CDH13: variants seen among roughly 807,000 people sequenced by gnomAD.
CDH13 encodes cadherin 13.
A neutral mutation model predicts 63.8 loss-of-function variants in CDH13; 24 were observed. The observed-to-expected ratio is 0.38, with a 90% CI of 0.27 to 0.53. CDH13 has a LOEUF of 0.53. Among genes scored for constraint, CDH13 ranks in the 20% least tolerant of loss-of-function variants. CDH13 has a pLI of 0.85. For missense variants in CDH13, 1,049 were observed against 903.1 expected, an observed-to-expected ratio of 1.16 and a Z score of -2.07; for synonymous variants, 503 against 355.3, an observed-to-expected ratio of 1.42 and a Z score of -4.67.
intron 1 of CDH13, among the ~76,000 whole-genome samples, chr16:82,802,104 T>C (rs2074004643): frequency 8.2e-6 from 1 of 121,822 alleles, no homozygotes; most frequent in Non-Finnish European, 1.7e-5. Flanking sequence ...GTTATTTATC[T>C]ATCATCTCCC....
chr16:83,024,188 C>T (rs1399595295), intron 2 of CDH13, among the ~76,000 whole-genome samples: 2 of 152,150 alleles, frequency 1.3e-5, no homozygotes, highest in Non-Finnish European at 2.9e-5. Flanking sequence ...ACAAACGTCA[C>T]TGTGGAGGTT....
intron 4 of CDH13, among the ~76,000 whole-genome samples, chr16:83,171,125 T>G (rs1274591220): frequency 2.0e-5 from 3 of 152,076 alleles, no homozygotes; most frequent in African/African-American, 7.2e-5. Flanking sequence ...GGAAGCATGG[T>G]GGCTTCTGCC....
rs555973091 is a variant in CDH13 at position 83,688,714 on chromosome 16, T to C, written c.1538+10253T>C. On this transcript the variant is annotated intron_variant, in intron 10 of 13. Transcript: ENST00000567109. ...TTTACAGTGGTGTCTTTGTAATTTT[T>C]AATTAAAGCGGTGTTGTTCCATTGT... is the stretch of plus-strand genomic sequence containing the variant. 2.6e-3 allele frequency among the ~76,000 whole-genome samples: 395 copies of C among 152,340 alleles called. 1 individual carries two copies. The highest frequency in any genetic ancestry group is 0.017 in the South Asian group (82 of 4,822).
chr16:82,684,567 G>T (rs1914872946), intron 1 of CDH13, among the ~76,000 whole-genome samples: 1 of 152,002 alleles, frequency 6.6e-6, no homozygotes, highest in South Asian at 2.1e-4. Flanking sequence ...CATGAAGTCA[G>T]GATCTGGGGA....
chr16:82,966,784 T>C (rs1345813094), intron 2 of CDH13, among the ~76,000 whole-genome samples: 1 of 152,242 alleles, frequency 6.6e-6, no homozygotes, highest in African/African-American at 2.4e-5. Flanking sequence ...GCAGACTCGA[T>C]GCCCCTTTTC....
chr16:83,303,336 C>A (rs1313415489), intron 5 of CDH13, among the ~76,000 whole-genome samples: 1 of 152,182 alleles, frequency 6.6e-6, no homozygotes. Flanking sequence ...CCAGTAGGTC[C>A]AGATGCTTAT....
intron 6 of CDH13, among the ~76,000 whole-genome samples, chr16:83,392,645 C>T (rs1039691807): frequency 1.1e-4 from 17 of 152,194 alleles, no homozygotes; most frequent in African/African-American, 2.2e-4. Flanking sequence ...TCTGGGACCA[C>T]GTCTTCCCAA....
intron 6 of CDH13, among the ~76,000 whole-genome samples, chr16:83,464,532 G>T (rs776830328): frequency 1.3e-5 from 2 of 151,512 alleles, no homozygotes; most frequent in African/African-American, 2.4e-5. Flanking sequence ...AATAAATTTT[G>T]TAGTTTTAGT....
At chr16:83,027,061 C>T (rs1020154235) in intron 2 of CDH13, among the ~76,000 whole-genome samples, 2 of 151,746 alleles carry the variant, frequency 1.3e-5, no homozygotes, top group Non-Finnish European at 2.9e-5. Flanking sequence ...TCCCAATTCA[C>T]AGCCTTGTCG....
intron 1 of CDH13, among the ~76,000 whole-genome samples, chr16:82,676,714 A>T (rs1205637523): frequency 6.6e-6 from 1 of 152,128 alleles, no homozygotes; most frequent in Non-Finnish European, 1.5e-5. Flanking sequence ...GACATGAGCT[A>T]TAAGACCTTG....
chr16:83,494,007 G>C (rs911516015), intron 7 of CDH13, among the ~76,000 whole-genome samples: 2 of 152,178 alleles, frequency 1.3e-5, no homozygotes, highest in African/African-American at 2.4e-5. Context: ...TCTTTCTTCT[G>C]TTCTTGGGCT....
intron 1 of CDH13, among the ~76,000 whole-genome samples, chr16:82,660,792 C>T (rs74028510): frequency 0.12 from 18,319 of 152,120 alleles, 1,488 homozygotes; most frequent in East Asian, 0.26. Flanking sequence ...TTTCCCCCCT[C>T]GTTTTATTTA....
Position 82,627,870 on chromosome 16 carries a change from G to C in CDH13, c.45+733G>C, listed in dbSNP as rs112011440. Among the ~76,000 whole-genome samples, 337 of 152,376 alleles carry C rather than the reference G, an allele frequency of 2.2e-3. 1 individual carries two copies. The highest frequency in any genetic ancestry group is 7.6e-3 in the African/African-American group (317 of 41,598). On this transcript the variant is annotated intron_variant, in intron 1 of 13. Transcript: ENST00000567109. ...GTCCAGCCAGCTGGAGCTCCGGCCA[G>C]ATCCCGGGCTGCCGCCTCTGCTGCC...
At chr16:82,640,659 G>C (rs1909285109) in intron 1 of CDH13, among the ~76,000 whole-genome samples, 1 of 152,158 alleles carries the variant, frequency 6.6e-6, no homozygotes, top group Non-Finnish European at 1.5e-5. Flanking sequence ...ACTTGTTTAA[G>C]ACAGGGATAG....
At chr16:83,674,340 A>ATATCTTCCCATGATGCTGCATCC (rs1914772331) in intron 9 of CDH13, among the ~76,000 whole-genome samples, 1 of 152,198 alleles carries the variant, frequency 6.6e-6, no homozygotes, top group African/African-American at 2.4e-5. Flanking sequence ...CCCAGGCATC[A>ATATCTTCCCATGATGCTGCATCC]TATCTTCCCA....
intron 4 of CDH13, among the ~76,000 whole-genome samples, chr16:83,208,319 A>AGAC (rs2039240796): frequency 6.6e-6 from 1 of 152,244 alleles, no homozygotes; most frequent in African/African-American, 2.4e-5. Context: ...CCAGCTACCC[A>AGAC]GACTGCTGAA....
At chr16:83,011,551 C>T (rs879854474) in intron 2 of CDH13, among the ~76,000 whole-genome samples, 3 of 152,158 alleles carry the variant, frequency 2.0e-5, no homozygotes, top group Admixed American at 2.0e-4. Context: ...TCTCTTTCCC[C>T]ATCTGAGTCA....
chr16:83,377,213 A>G (rs1268748038), intron 6 of CDH13, among the ~76,000 whole-genome samples: 10 of 152,186 alleles, frequency 6.6e-5, no homozygotes, highest in Admixed American at 3.9e-4. Context: ...AATAACCAGA[A>G]TAAGAACTGA....
intron 1 of CDH13, among the ~76,000 whole-genome samples, chr16:82,807,649 T>G (rs1356072123): frequency 6.6e-6 from 1 of 152,164 alleles, no homozygotes; most frequent in Non-Finnish European, 1.5e-5. Context: ...TCAGGGATAA[T>G]AACCCTTAAG....
Sources: allele counts gnomAD v4.1 joint callset (sites outside exome capture counted in the v4.1 genomes callset), GRCh38; gene constraint gnomAD v4.1.1; transcripts MANE v1.5; gene names NCBI Gene and HGNC (gene_info 2026-07-23, HGNC 2026-07-21).